The following PCSK2 variants were observed in gnomAD, a reference collection of about 807,000 sequenced individuals.
PCSK2 encodes the protein proprotein convertase subtilisin/kexin type 2.
A neutral mutation model predicts 69.7 loss-of-function variants in PCSK2; 14 were observed. The ratio of observed to expected loss-of-function variants is 0.20; its 90% CI spans 0.13 to 0.31. The LOEUF (loss-of-function observed/expected upper bound fraction) is 0.31. Among genes scored for constraint, PCSK2 ranks in the 10% least tolerant of loss-of-function variants. PCSK2 has a pLI of 1.00. For synonymous variants in PCSK2, 307 were observed against 320.7 expected (o/e 0.96, Z 0.46); for missense variants, 544 against 842.5 (o/e 0.65, Z 4.39).
intron 2 of PCSK2, among the ~76,000 whole-genome samples, chr20:17,301,670 C>A (rs1266236827): frequency 1.3e-5 from 2 of 152,124 alleles, no homozygotes; most frequent in Non-Finnish European, 2.9e-5. Context: ...CGGTGGCTCA[C>A]GCCTGTAATC....
intron 2 of PCSK2, among the ~76,000 whole-genome samples, chr20:17,301,379 T>C (rs2123088733): frequency 6.6e-6 from 1 of 152,264 alleles, no homozygotes; most frequent in East Asian, 1.9e-4. Flanking sequence ...TAGGATAAAA[T>C]AGTGTCAAGA....
At chr20:17,333,921 A>G (rs1990274267) in intron 2 of PCSK2, among the ~76,000 whole-genome samples, 1 of 137,854 alleles carries the variant, frequency 7.3e-6, no homozygotes, top group Non-Finnish European at 1.6e-5. Context: ...ATATATATAT[A>G]TATATATATA....
At chr20:17,288,511 A>C (rs1988594537) in intron 2 of PCSK2, among the ~76,000 whole-genome samples, 3 of 152,200 alleles carry the variant, frequency 2.0e-5, no homozygotes, top group African/African-American at 4.8e-5. Flanking sequence ...TTCTGGGCTG[A>C]ATTGTTTCCC....
intron 2 of PCSK2, among the ~76,000 whole-genome samples, chr20:17,336,967 G>A (rs2424080): frequency 0.051 from 7,756 of 152,252 alleles, 314 homozygotes; most frequent in East Asian, 0.19. Context: ...GATAAACACA[G>A]GTTAAGAAAT....
At chr20:17,469,599 C>G (rs1200133377) in intron 11 of PCSK2, among the ~76,000 whole-genome samples, 2 of 151,972 alleles carry the variant, frequency 1.3e-5, no homozygotes, top group African/African-American at 4.8e-5. Flanking sequence ...GGACTTGAAG[C>G]AAAGCCCATC....
chr20:17,471,507 T>A (rs1281553492), intron 11 of PCSK2, among the ~76,000 whole-genome samples: 1 of 152,184 alleles, frequency 6.6e-6, no homozygotes, highest in Non-Finnish European at 1.5e-5. Flanking sequence ...GTGATAAATA[T>A]TTTTTAAATG....
At chr20:17,459,260 T>G (rs2032973437) in intron 10 of PCSK2, among the ~76,000 whole-genome samples, 1 of 152,210 alleles carries the variant, frequency 6.6e-6, no homozygotes, top group African/African-American at 2.4e-5. Flanking sequence ...AAGAGATTCC[T>G]CCATGTTCCT....
In PCSK2 at chr20:17,291,708, T is replaced by C. The variant is rs574271766; in HGVS notation, c.282+31364T>C. On this transcript the variant is annotated intron_variant, in intron 2 of 11. Transcript: ENST00000262545. ...TTATCAGTTAGAAATTGTGTTTGGC[T>C]GCTAGGAACAGAGACCTAACCACAG... Among the ~76,000 whole-genome samples, 6 of 152,276 alleles carry C rather than the reference T, an allele frequency of 3.9e-5. No individual in the cohort carries two copies. In the South Asian group the frequency reaches 1.2e-3, roughly 32 times the overall value.
At chr20:17,347,828 GAAA>G (rs1568612023) in intron 2 of PCSK2, among the ~76,000 whole-genome samples, 21 of 128,496 alleles carry the variant, frequency 1.6e-4, no homozygotes, top group East Asian at 6.9e-4. Context: ...AAGAAAGAAA[GAAA>G]GAAAGAAAGA....
In PCSK2 at chr20:17,382,729, G is replaced by GTCGT. The variant is rs1222131583; in HGVS notation, c.543+13454_543+13457dup. 1.8e-4 allele frequency among the ~76,000 whole-genome samples: 27 copies of GTCGT among 152,002 alleles called. 1 individual carries two copies. The highest frequency in any genetic ancestry group is 2.9e-5 in the Non-Finnish European group (2 of 68,010). On this transcript the variant is annotated intron_variant, in intron 5 of 11. Transcript: ENST00000262545. ...CATTCTCCCCAAAACAAGCAGAAAG[G>GTCGT]TCGTTACAAAGAACAAAGTAGTGGA...
chr20:17,252,349 A>G (rs765538238), intron 1 of PCSK2, among the ~76,000 whole-genome samples: 1 of 152,224 alleles, frequency 6.6e-6, no homozygotes, highest in Non-Finnish European at 1.5e-5. Flanking sequence ...TCTAAGAAAT[A>G]TTCCCCAAGT....
At chr20:17,384,600 CTCAA>C (rs1197410014) in intron 5 of PCSK2, among the ~76,000 whole-genome samples, 1 of 151,746 alleles carries the variant, frequency 6.6e-6, no homozygotes, top group Non-Finnish European at 1.5e-5. Flanking sequence ...GAAACTCTGT[CTCAA>C]TCAATCAATC....
At chr20:17,463,270 C>T (rs1187527144) in intron 10 of PCSK2, among the ~76,000 whole-genome samples, 3 of 152,152 alleles carry the variant, frequency 2.0e-5, no homozygotes, top group Non-Finnish European at 4.4e-5. Context: ...GCTAGCCAGC[C>T]CTCTGGTCAT....
chr20:17,361,297 G>C (rs933208162), intron 4 of PCSK2, among the ~76,000 whole-genome samples: 1 of 152,178 alleles, frequency 6.6e-6, no homozygotes, highest in African/African-American at 2.4e-5. Flanking sequence ...TTTTATTACA[G>C]ACATCCCTTA....
At chr20:17,235,053 T>C (rs1202398506) in intron 1 of PCSK2, among the ~76,000 whole-genome samples, 1 of 152,186 alleles carries the variant, frequency 6.6e-6, no homozygotes, top group East Asian at 1.9e-4. Context: ...AGTCAACACT[T>C]CAGTCTGAAA....
At chr20:17,456,251 A>C (rs111742276) in intron 9 of PCSK2, 97 bp from the exon 10 acceptor site, 1 of 700,546 alleles carries the variant, frequency 1.4e-6, no homozygotes, top group Non-Finnish European at 2.5e-6. Flanking sequence ...TAAATAAATG[A>C]ATAAATAAAA....
At chr20:17,276,670 C>T (rs1988091897) in intron 2 of PCSK2, among the ~76,000 whole-genome samples, 1 of 152,040 alleles carries the variant, frequency 6.6e-6, no homozygotes, top group Admixed American at 6.6e-5. Context: ...CCCTGTGATG[C>T]CCTCTCTCAC....
chr20:17,322,041 C>T (rs1012920472), intron 2 of PCSK2, among the ~76,000 whole-genome samples: 5 of 151,874 alleles, frequency 3.3e-5, no homozygotes, highest in African/African-American at 1.2e-4. Context: ...GGTTAAACAC[C>T]TCTAAATGCC....
At chr20:17,385,250 G>C (rs2031204578) in intron 5 of PCSK2, among the ~76,000 whole-genome samples, 1 of 152,130 alleles carries the variant, frequency 6.6e-6, no homozygotes, top group Non-Finnish European at 1.5e-5. Context: ...GTAGGAAAAT[G>C]GTTTTGTTAG....
Sources: allele counts gnomAD v4.1 joint callset (sites outside exome capture counted in the v4.1 genomes callset), GRCh38; gene constraint gnomAD v4.1.1; transcripts MANE v1.5; gene names NCBI Gene and HGNC (gene_info 2026-07-23, HGNC 2026-07-21).